Variants in SSC5D observed in about 807,000 individuals in gnomAD.
SSC5D encodes soluble scavenger receptor cysteine-rich domain-containing protein SSC5D.
Under a neutral mutation model 104.6 loss-of-function variants are expected in SSC5D, and 106 were observed. The ratio of observed to expected loss-of-function variants is 1.01; its 90% CI spans 0.87 to 1.19. The LOEUF is 1.19. Among genes scored for constraint, SSC5D ranks in the 50% most tolerant of loss-of-function variants. SSC5D has a pLI of 0.00. For missense variants in SSC5D, 1,993 were observed against 2,153.8 expected (o/e 0.93, Z 1.48); for synonymous variants, 860 against 883.5 (o/e 0.97, Z 0.47).
At chr19:55,509,790 C>T (rs1479998285) in intron 12 of SSC5D, among the ~76,000 whole-genome samples, 3 of 127,642 alleles carry the variant, frequency 2.4e-5, no homozygotes, top group Non-Finnish European at 4.7e-5. Flanking sequence ...AACTGGGAGG[C>T]GGAGGCTGCA....
At chr19:55,493,949 T>G (rs1440159739) in intron 7 of SSC5D, 37 bp downstream of exon 7, 4 of 898,106 alleles carry the variant, frequency 4.5e-6, no homozygotes, top group Non-Finnish European at 5.6e-6. Context: ...GAGGTGGGCG[T>G]GGTGGTGCTT....
chr19:55,502,884 C>T (rs1051557528), intron 12 of SSC5D, among the ~76,000 whole-genome samples: 6 of 151,986 alleles, frequency 3.9e-5, no homozygotes, highest in Admixed American at 6.6e-5. Flanking sequence ...GGCGTGGTCT[C>T]GGCTCACTGC....
rs776353690 is a variant in SSC5D at position 55,493,868 on chromosome 19, A to G, written c.1169A>G (p.Gln390Arg). The G allele has an allele frequency of 5.5e-4, 846 of 1,548,892 alleles. 1 individual carries two copies. The highest frequency in any genetic ancestry group is 7.0e-4 in the Non-Finnish European group (803 of 1,146,650). ...TTCTGCCCAGCTCGGCCCTGGGGCC[A>G]GCATGACTGTCACCACCGCGAGGAC... Reference protein sequence around the residue: ...LRFCPARPWGQHDCHHREDAG... With the variant: ...LRFCPARPWGRHDCHHREDAG... The change falls in exon 7 of 14, where the codon CAG (glutamine) becomes CGG (arginine). Residue 390 changes from glutamine to arginine, a missense_variant. Coordinates refer to ENST00000389623, the MANE Select transcript of SSC5D (RefSeq NM_001144950.2).
Position 55,500,935 on chromosome 19 carries a change from C to T in SSC5D, c.2618-99C>T. Reference sequence around the variant, plus strand: ...ATGAGGGGTCGGGGTGGGGAGATCCCAGAGTTGCTCCAGAAGATTCCAAAA... The same window carrying T: ...ATGAGGGGTCGGGGTGGGGAGATCCTAGAGTTGCTCCAGAAGATTCCAAAA... On this transcript the variant is annotated intron_variant, in intron 11 of 13. Transcript: ENST00000389623. This position sits in a 1 kb window ranked among gnomAD's most constrained non-coding sequence, Gnocchi z 4.6. 1 of 1,521,340 alleles carries T rather than the reference C, an allele frequency of 6.6e-7. No individual in the cohort carries two copies. Among genetic ancestry groups the T allele is most frequent in the Non-Finnish European group, 8.9e-7 (1 of 1,126,804 alleles). 94.2% of individuals were successfully genotyped at this position (1,521,340 alleles called of 1,614,324 possible).
chr19:55,493,994 G>GGGGGGGGGGGGGCGGGTT, intron 7 of SSC5D, 82 bp downstream of exon 7: 1 of 143,314 alleles, frequency 7.0e-6, no homozygotes, highest in Admixed American at 8.5e-5. Flanking sequence ...GGGCGGGGGG[G>GGGGGGGGGGGGGCGGGTT]TCCCTACGCG....
At chr19:55,505,235 C>T (rs8100922) in intron 12 of SSC5D, among the ~76,000 whole-genome samples, 4 of 151,466 alleles carry the variant, frequency 2.6e-5, no homozygotes, top group African/African-American at 4.9e-5. Flanking sequence ...TTTCAGGGAA[C>T]GAGCGATTAT....
intron 13 of SSC5D, among the ~76,000 whole-genome samples, chr19:55,516,954 C>T (rs906794003): frequency 2.0e-5 from 3 of 151,830 alleles, no homozygotes; most frequent in Non-Finnish European, 4.4e-5. Context: ...CCCTCCTGCA[C>T]CCGCTCCCGC....
chr19:55,493,992 G>GGGC (rs568555704), intron 7 of SSC5D, 80 bp downstream of exon 7: 3 of 283,996 alleles, frequency 1.1e-5, no homozygotes, highest in Admixed American at 4.3e-5. Flanking sequence ...GGGGGCGGGG[G>GGGC]GGTCCCTACG....
At position 55,490,322 on chromosome 19, in the gene SSC5D, A is replaced by G. The variant is rs1987101536; in HGVS notation, c.500A>G (p.Gln167Arg). Residue 167 changes from glutamine (Q) to arginine (R), a missense_variant, in exon 5 of 14, where the codon CAG becomes CGG. Gln to Arg is a conservative substitution (Grantham distance 43). Transcript: ENST00000389623. Reference protein sequence around the residue: ...THAPRPAGNPQNASRKKSPRP... With the variant: ...THAPRPAGNPRNASRKKSPRP... ...GCCCCCCGCCCAGCTGGGAACCCCC[A>G]GAACGCCTCCCGGAAGAAGAGCCCC... 1.4e-6 allele frequency: 2 copies of G among 1,438,348 alleles called. No individual in the cohort carries two copies. Among genetic ancestry groups the G allele is most frequent in the African/African-American group, 1.4e-5 (1 of 70,304 alleles). The allele number at this position is 1,438,348 out of a possible 1,614,324, so 89.1% of individuals were successfully genotyped here. A position where few individuals can be genotyped will look rare whatever the true frequency, so the allele number is the denominator to read the frequency against.
intron 4 of SSC5D, 127 bp from the exon 5 acceptor site, chr19:55,490,171 C>T (rs1987096574): frequency 3.3e-6 from 2 of 614,090 alleles, no homozygotes; most frequent in South Asian, 1.9e-5. Flanking sequence ...CCCTGCCCCG[C>T]CCCGTCTCCT....
Position 55,517,530 on chromosome 19 carries a change from AG to A in SSC5D, c.3255del (p.Glu1085AspfsTer14). 3 of 1,551,262 alleles carry A rather than the reference AG, an allele frequency of 1.9e-6. No homozygotes were observed. Among genetic ancestry groups the A allele is most frequent in the Non-Finnish European group, 2.6e-6 (3 of 1,146,962 alleles). ...AGTGTGGTTCCCGCGTTGACCCCGG[AG>A]CCCTCACCCACGCCCTTACCCACCT... ...DSSVVPALTP[E>X]PSPTPLPTLP... On this transcript the variant is annotated frameshift_variant, in exon 14 of 14. Coordinates refer to ENST00000389623, the MANE Select transcript of SSC5D (RefSeq NM_001144950.2). LOFTEE classifies it low-confidence loss of function (END_TRUNC).
intron 12 of SSC5D, among the ~76,000 whole-genome samples, chr19:55,501,468 C>T (rs1987502676): frequency 6.6e-6 from 1 of 152,186 alleles, no homozygotes; most frequent in African/African-American, 2.4e-5. Flanking sequence ...ACACAATATG[C>T]AAGCCTGGGG....
chr19:55,500,571 C>G lies in SSC5D; in HGVS notation c.2384C>G (p.Thr795Arg). ...GTGTGGCATGCCGGACGCTGGGGAACAGTGTGTGATGACAACTGGGACCTG... is the reference window on the plus strand; with the variant it reads ...GTGTGGCATGCCGGACGCTGGGGAAGAGTGTGTGATGACAACTGGGACCTG... ...LEVWHAGRWG[T>R]VCDDNWDLRD... The change falls in exon 11 of 14, where the codon ACA becomes AGA. Residue 795 changes from threonine to arginine, a missense_variant. Thr to Arg is a moderately conservative substitution (Grantham distance 71). This residue lies in a region of SSC5D where 70 missense variants were observed against 107.1 expected (regional missense o/e 0.65). Coordinates refer to ENST00000389623, the MANE Select transcript of SSC5D (RefSeq NM_001144950.2). The surrounding 1 kb of genome is among the most constrained non-coding windows in gnomAD (Gnocchi z 4.6). The G allele has an allele frequency of 6.4e-7, 1 of 1,551,720 alleles. No homozygotes were observed. Among genetic ancestry groups the G allele is most frequent in the Non-Finnish European group, 8.7e-7 (1 of 1,146,988 alleles).
chr19:55,500,715 G>C lies in SSC5D; in HGVS notation c.2528G>C (p.Gly843Ala), dbSNP rs1181519040. The change falls in exon 11 of 14, where the codon GGA becomes GCA. Residue 843 changes from glycine (G) to alanine (A), a missense_variant. Gly to Ala is a moderately conservative substitution (Grantham distance 60, BLOSUM62 0). Coordinates refer to ENST00000389623, the MANE Select transcript of SSC5D (RefSeq NM_001144950.2). This position sits in a 1 kb window ranked among gnomAD's most constrained non-coding sequence, Gnocchi z 4.6. ...PIWLDDMGCK[G>A]SEASLSDCPS... ...TGGCTGGATGACATGGGCTGTAAGGGAAGCGAGGCCTCACTGAGCGACTGC... is the reference window on the plus strand; with the variant it reads ...TGGCTGGATGACATGGGCTGTAAGGCAAGCGAGGCCTCACTGAGCGACTGC... The C allele has an allele frequency of 1.3e-6, 2 of 1,551,584 alleles. No individual in the cohort carries two copies. The highest frequency in any genetic ancestry group is 2.7e-5 in the African/African-American group (2 of 73,036).
In SSC5D at chr19:55,500,984, G is replaced by A. The variant is rs1987484812; in HGVS notation, c.2618-50G>A. Reference sequence around the variant, plus strand: ...AAGGGGAGGGAAGAGCAGCAGCAAGGACCTCTGAGAAAGAGGATGGGGTCA... The same window carrying A: ...AAGGGGAGGGAAGAGCAGCAGCAAGAACCTCTGAGAAAGAGGATGGGGTCA... On this transcript the variant is annotated intron_variant, in intron 11 of 13. Coordinates refer to ENST00000389623, the MANE Select transcript of SSC5D (RefSeq NM_001144950.2). This position sits in a 1 kb window ranked among gnomAD's most constrained non-coding sequence, Gnocchi z 4.6. 1.3e-6 allele frequency: 2 copies of A among 1,546,840 alleles called. No individual in the cohort carries two copies. The highest frequency in any genetic ancestry group is 3.9e-5 in the Admixed American group (2 of 50,666).
At chr19:55,493,529 G>A (rs1369556074) in intron 6 of SSC5D, 66 bp from the exon 7 acceptor site, 3 of 1,334,868 alleles carry the variant, frequency 2.2e-6, no homozygotes, top group Non-Finnish European at 2.9e-6. Flanking sequence ...GCCTGCCTGA[G>A]CATAGCTTAG....
At chr19:55,490,600 G>C (rs1442136617) in intron 5 of SSC5D, among the ~76,000 whole-genome samples, 172 bp from the exon 6 acceptor site, 1 of 152,176 alleles carries the variant, frequency 6.6e-6, no homozygotes, top group Non-Finnish European at 1.5e-5. Context: ...CCTGTCAGGA[G>C]GCCCAGGTGT....
intron 9 of SSC5D, among the ~76,000 whole-genome samples, chr19:55,499,443 TGGTC>T (rs1987411664): frequency 6.6e-6 from 1 of 152,044 alleles, no homozygotes; most frequent in Non-Finnish European, 1.5e-5. Context: ...ACCCCACTGG[TGGTC>T]AGTAAGAATT....
At chr19:55,493,994 G>GTT in intron 7 of SSC5D, 82 bp downstream of exon 7, 5 of 143,314 alleles carry the variant, frequency 3.5e-5, no homozygotes, top group South Asian at 1.6e-4. Context: ...GGGCGGGGGG[G>GTT]TCCCTACGCG....
Sources: gnomAD v4.1 joint callset for allele counts (sites outside exome capture counted in the v4.1 genomes callset) on GRCh38, gnomAD v4.1.1 for gene constraint, gnomAD v4.1.1 regional missense constraint, Gnocchi (gnomAD v3.1) non-coding constraint, MANE v1.5 for transcripts, NCBI Gene and HGNC (gene_info 2026-07-23, HGNC 2026-07-21) for gene names.